HGSNAT: variants seen among roughly 807,000 people sequenced by gnomAD.
HGSNAT encodes transmembrane protein 76.
Under a neutral mutation model 85.2 loss-of-function variants are expected in HGSNAT, and 59 were observed. The observed-to-expected ratio is 0.69, with a 90% confidence interval of 0.56 to 0.86. The LOEUF is 0.86. Among genes scored for constraint, HGSNAT ranks in the 40% least tolerant of loss-of-function variants. HGSNAT has a pLI of 0.00. For missense variants in HGSNAT, 756 were observed against 777.1 expected (o/e 0.97, Z 0.32); for synonymous variants, 321 against 304.5 (o/e 1.05, Z -0.56).
Position 43,151,576 on chromosome 8 carries a change from G to A in HGSNAT, c.234+4513G>A, listed in dbSNP as rs142063468. On this transcript the variant is annotated intron_variant, in intron 2 of 17. Transcript: ENST00000379644. ...ACTCATCATATGTTAAGTCAAAAGA[G>A]ACTGGATAAATTAAAAAAAGCAGGG... Among the ~76,000 whole-genome samples, 1,203 of 152,178 alleles carry A rather than the reference G, an allele frequency of 7.9e-3. 14 individuals are homozygous for A. The highest frequency in any genetic ancestry group is 0.027 in the African/African-American group (1,101 of 41,510).
At chr8:43,151,182 A>G (rs1563356854) in intron 2 of HGSNAT, among the ~76,000 whole-genome samples, 1 of 152,246 alleles carries the variant, frequency 6.6e-6, no homozygotes, top group Non-Finnish European at 1.5e-5. Context: ...TACCAGGGCA[A>G]ACATTTTGAA....
In HGSNAT at chr8:43,199,578, A is replaced by G. The variant is rs1237634172; in HGVS notation, c.*9A>G. The stretch of plus-strand genomic sequence containing the variant: ...TTTTTTGGAAAATCTGATGGCTCCC[A>G]CTGAGATGTGCTGCTGGAAGACTCT... On this transcript the variant is annotated 3_prime_UTR_variant, in exon 18 of 18. Transcript: ENST00000379644. The G allele has an allele frequency of 6.5e-7, 1 of 1,528,484 alleles. No homozygotes were observed. The highest frequency in any genetic ancestry group is 8.8e-7 in the Non-Finnish European group (1 of 1,137,616). 94.7% of individuals were successfully genotyped at this position (1,528,484 alleles called of 1,614,324 possible).
rs539232630 is a variant in HGSNAT at position 43,202,057 on chromosome 8, T to C, written c.*2488T>C. The C allele has an allele frequency of 1.3e-5, 2 of 152,800 alleles. No homozygotes were observed. Among genetic ancestry groups the C allele is most frequent in the Admixed American group, 1.3e-4 (2 of 15,268 alleles). 9.5% of individuals were successfully genotyped at this position (152,800 alleles called of 1,614,324 possible). ...AGTTTTCTAGAAGCATTTCTCAAAC[T>C]GTGGGTTACATCAACTTGGGTGTCT... On this transcript the variant is annotated 3_prime_UTR_variant, in exon 18 of 18. Coordinates refer to ENST00000379644, the MANE Select transcript of HGSNAT (RefSeq NM_152419.3).
intron 14 of HGSNAT, among the ~76,000 whole-genome samples, chr8:43,195,049 G>A (rs1804660710): frequency 6.6e-6 from 1 of 152,100 alleles, no homozygotes; most frequent in African/African-American, 2.4e-5. Context: ...GATGTGGGGA[G>A]TGTGACTGAG....
chr8:43,174,956 T>C (rs1475556481), intron 9 of HGSNAT, among the ~76,000 whole-genome samples: 3 of 152,174 alleles, frequency 2.0e-5, no homozygotes, highest in African/African-American at 7.2e-5. Flanking sequence ...TCTATCGCCC[T>C]GAGTTCAGTT....
chr8:43,193,446 C>T (rs187770044), intron 13 of HGSNAT, among the ~76,000 whole-genome samples: 6 of 152,296 alleles, frequency 3.9e-5, no homozygotes, highest in Non-Finnish European at 8.8e-5. Context: ...GCATTTGAAG[C>T]TGGTCAGGAA....
In HGSNAT at chr8:43,197,949, C is replaced by T. The variant is rs754143732; in HGVS notation, c.1723C>T (p.Pro575Ser). The T allele has an allele frequency of 1.2e-5, 19 of 1,608,100 alleles. No homozygotes were observed. The highest frequency in any genetic ancestry group is 1.6e-4 in the Middle Eastern group (1 of 6,062). The change falls in exon 17 of 18, where the codon CCA (proline) becomes TCA (serine). Residue 575 changes from proline to serine, a missense_variant. Coordinates refer to ENST00000379644, the MANE Select transcript of HGSNAT (RefSeq NM_152419.3). ...GTGGACAGGAACCCCATTCTTTTAT[C>T]CAGGTAAGTCACCTCCAACCTCAAA... is the stretch of plus-strand genomic sequence containing the variant. ...GLWTGTPFFYPGMNSILVYVG... is the reference protein window; with the variant it reads ...GLWTGTPFFYSGMNSILVYVG...
At chr8:43,198,718 G>A (rs982851688) in intron 17 of HGSNAT, among the ~76,000 whole-genome samples, 3 of 152,132 alleles carry the variant, frequency 2.0e-5, no homozygotes, top group African/African-American at 7.2e-5. Context: ...AGTTCCAACC[G>A]AGGACTTAGA....
At chr8:43,160,860 C>A (rs1305143313) in intron 4 of HGSNAT, among the ~76,000 whole-genome samples, 3 of 152,136 alleles carry the variant, frequency 2.0e-5, no homozygotes, top group Non-Finnish European at 4.4e-5. Flanking sequence ...TCTTTCATGA[C>A]CTTGATGGTT....
intron 11 of HGSNAT, among the ~76,000 whole-genome samples, chr8:43,190,490 T>A (rs1206172748): frequency 6.6e-6 from 1 of 152,182 alleles, no homozygotes; most frequent in East Asian, 1.9e-4. Context: ...GTGGATTTCC[T>A]TAGGGTGAAG....
chr8:43,154,556 G>A (rs1241701203), intron 2 of HGSNAT, among the ~76,000 whole-genome samples: 1 of 152,054 alleles, frequency 6.6e-6, no homozygotes, highest in Non-Finnish European at 1.5e-5. Context: ...AGTATTCCAT[G>A]GTGTATATGT....
At position 43,199,873 on chromosome 8, in the gene HGSNAT, C is replaced by A. The variant is rs752711559; in HGVS notation, c.*304C>A. On this transcript the variant is annotated 3_prime_UTR_variant, in exon 18 of 18. Transcript: ENST00000379644. ...GCTTTAACTTTCCAAAAGGGAATTG[C>A]CATGGGTGTTTTTCTTCTGTGGTGA... 153 of 202,336 alleles carry A rather than the reference C, an allele frequency of 7.6e-4. No individual in the cohort carries two copies. Among genetic ancestry groups the A allele is most frequent in the Non-Finnish European group, 1.2e-3 (117 of 101,272 alleles). 12.5% of individuals were successfully genotyped at this position (202,336 alleles called of 1,614,324 possible).
At chr8:43,147,708 T>C (rs188676051) in intron 2 of HGSNAT, among the ~76,000 whole-genome samples, 3 of 152,232 alleles carry the variant, frequency 2.0e-5, no homozygotes, top group African/African-American at 7.2e-5. Flanking sequence ...TGGGTACTTA[T>C]GAACATAAAG....
At chr8:43,165,162 T>A (rs190336352) in intron 5 of HGSNAT, among the ~76,000 whole-genome samples, 2 of 151,940 alleles carry the variant, frequency 1.3e-5, no homozygotes, top group Admixed American at 1.3e-4. Flanking sequence ...TCACTTCTTG[T>A]CTTTGCATTA....
Position 43,199,501 on chromosome 8 carries a change from G to A in HGSNAT, c.1840G>A (p.Val614Ile), listed in dbSNP as rs73675469. Reference sequence around the variant, plus strand: ...CAAGGAGCACCTGACTCAGAACATCGTCGCCACTGCCCTCTGGGTGCTCAT... The same window carrying A: ...CAAGGAGCACCTGACTCAGAACATCATCGCCACTGCCCTCTGGGTGCTCAT... ...SHKEHLTQNI[V>I]ATALWVLIAY... Residue 614 changes from valine to isoleucine, a missense_variant, in exon 18 of 18, where the codon GTC becomes ATC. Val to Ile is a conservative substitution (Grantham distance 29). Coordinates refer to ENST00000379644, the MANE Select transcript of HGSNAT (RefSeq NM_152419.3). The A allele has an allele frequency of 5.0e-3, 7,993 of 1,611,490 alleles. 291 individuals are homozygous for A. The African/African-American group carries it at 0.083, about 17-fold the overall frequency.
At chr8:43,190,108 C>T (rs1366672639) in intron 11 of HGSNAT, among the ~76,000 whole-genome samples, 5 of 152,136 alleles carry the variant, frequency 3.3e-5, no homozygotes, top group Admixed American at 3.3e-4. Context: ...TGGTATTGTG[C>T]TTGGCTATTT....
At chr8:43,145,758 AAG>A (rs1177944505) in intron 1 of HGSNAT, among the ~76,000 whole-genome samples, 1 of 152,062 alleles carries the variant, frequency 6.6e-6, no homozygotes, top group Non-Finnish European at 1.5e-5. Context: ...TTAAAAAAAA[AAG>A]AAAGAAAGAG....
chr8:43,199,027 A>G (rs1804827724), intron 17 of HGSNAT, among the ~76,000 whole-genome samples: 1 of 152,086 alleles, frequency 6.6e-6, no homozygotes, highest in Admixed American at 6.6e-5. Flanking sequence ...TCAGCCTCCC[A>G]AGAAGCTGGG....
In HGSNAT at chr8:43,200,328, G is replaced by T. The variant is rs1353045161; in HGVS notation, c.*759G>T. 1 of 152,126 alleles carries T rather than the reference G, an allele frequency of 6.6e-6. No homozygotes were observed. The highest frequency in any genetic ancestry group is 2.4e-5 in the African/African-American group (1 of 41,404). The allele number at this position is 152,126 out of a possible 1,614,324, so 9.4% of individuals were successfully genotyped here. ...AGGGCAGGTACTGTCTTTGCCTGTGGGTCCAGCTGAGCCATCCCTGCTGGG... is the reference window on the plus strand; with the variant it reads ...AGGGCAGGTACTGTCTTTGCCTGTGTGTCCAGCTGAGCCATCCCTGCTGGG... On this transcript the variant is annotated 3_prime_UTR_variant, in exon 18 of 18. Transcript: ENST00000379644.
Sources: gnomAD v4.1 joint callset for allele counts (sites outside exome capture counted in the v4.1 genomes callset) on GRCh38, gnomAD v4.1.1 for gene constraint, MANE v1.5 for transcripts, NCBI Gene and HGNC (gene_info 2026-07-23, HGNC 2026-07-21) for gene names.